Variants in WDR91 observed in about 807,000 individuals in gnomAD.
WDR91 encodes the protein WD repeat-containing protein 91.
Under a neutral mutation model 88.4 loss-of-function variants are expected in WDR91, and 52 were observed. The observed-to-expected ratio is 0.59, with a 90% confidence interval of 0.47 to 0.74. The LOEUF is 0.74. Ranked by LOEUF, WDR91 falls within the 30% of genes least tolerant of loss-of-function variation. The pLI, the probability that WDR91 is intolerant of heterozygous loss-of-function variation, is 0.00. For synonymous variants in WDR91, 362 were observed against 389.5 expected (o/e 0.93, Z 0.83); for missense variants, 824 against 954.5 (o/e 0.86, Z 1.80).
In WDR91 at chr7:135,198,029, C is replaced by G. The variant is rs1393715665; in HGVS notation, c.1014G>C (p.Lys338Asn). The change falls in exon 7 of 15, where the codon AAG becomes AAC. Residue 338 changes from lysine to asparagine, a missense_variant. Transcript: ENST00000354475. Reference sequence around the variant, plus strand: ...TTGTGGAGAAAAGCTCCTTCCTCTCCTTGCCATGGTCCTGCAGGCGCCGCT... The same window carrying G: ...TTGTGGAGAAAAGCTCCTTCCTCTCGTTGCCATGGTCCTGCAGGCGCCGCT... ...HRQRRLQDHG[K>N]ERKELFSTTT... The G allele has an allele frequency of 6.2e-7, 1 of 1,614,196 alleles. No individual in the cohort carries two copies.
At chr7:135,206,297 A>G (rs910443902) in intron 4 of WDR91, among the ~76,000 whole-genome samples, 1 of 152,126 alleles carries the variant, frequency 6.6e-6, no homozygotes, top group African/African-American at 2.4e-5. Context: ...CTTTTTAATC[A>G]TTTGACTTGC....
In WDR91 at chr7:135,211,024, C is replaced by T. The variant is rs1231696664; in HGVS notation, c.123+356G>A. ...TCTTTGCTTCCACTGCCACTGGAAG[C>T]CAACACGAATATCTGTTGCCAAAAC... On this transcript the variant is annotated intron_variant, in intron 1 of 14. Transcript: ENST00000354475. 11 of 662,752 alleles carry T rather than the reference C, an allele frequency of 1.7e-5. No individual in the cohort carries two copies. In the East Asian group the frequency reaches 2.7e-4, roughly 16 times the overall value. 41.1% of individuals were successfully genotyped at this position (662,752 alleles called of 1,614,324 possible).
Position 135,205,978 on chromosome 7 carries a change from G to T in WDR91, c.675C>A (p.His225Gln). 1 of 1,614,156 alleles carries T rather than the reference G, an allele frequency of 6.2e-7. No homozygotes were observed. The highest frequency in any genetic ancestry group is 8.5e-7 in the Non-Finnish European group (1 of 1,180,036). ...QPEEEEALVQ[H>Q]KLPPYVSNMD... ...TGTTGGAGACATAAGGAGGCAATTT[G>T]TGTTGGACCAAGGCCTCTTCCTCTT... Residue 225 changes from histidine to glutamine, a missense_variant, in exon 5 of 15, where the codon CAC (histidine) becomes CAA (glutamine). Coordinates refer to ENST00000354475, the MANE Select transcript of WDR91 (RefSeq NM_014149.4).
chr7:135,195,955 A>G (rs1454086412), intron 8 of WDR91, among the ~76,000 whole-genome samples, 189 bp downstream of exon 8: 1 of 149,314 alleles, frequency 6.7e-6, no homozygotes, highest in South Asian at 2.1e-4. Context: ...TCAATAAGGA[A>G]AAAAAAAAAA....
At chr7:135,202,352 A>C (rs1220210708) in intron 6 of WDR91, 5 of 152,252 alleles carry the variant, frequency 3.3e-5, no homozygotes, top group African/African-American at 1.2e-4. Flanking sequence ...TACCATTAAT[A>C]AAAAACAAGT....
At chr7:135,202,085 G>A (rs756647909) in intron 6 of WDR91, 1 of 152,172 alleles carries the variant, frequency 6.6e-6, no homozygotes, top group Non-Finnish European at 1.5e-5. Context: ...AGCTCCAGAG[G>A]GCTAAGCTAA....
At position 135,204,487 on chromosome 7, in the gene WDR91, C is replaced by A. The variant is rs994521407; in HGVS notation, c.726-54G>T. ...AGGGCTGAAACAGGATGTGGAAAAACCAAGAACATAGACCTCCCGGGCTAT... is the reference window on the plus strand; with the variant it reads ...AGGGCTGAAACAGGATGTGGAAAAAACAAGAACATAGACCTCCCGGGCTAT... On this transcript the variant is annotated intron_variant, in intron 5 of 14. Transcript: ENST00000354475. 19 of 1,594,308 alleles carry A rather than the reference C, an allele frequency of 1.2e-5. No individual in the cohort carries two copies. The Middle Eastern group carries it at 5.0e-4, about 42-fold the overall frequency.
At chr7:135,194,480 C>G (rs561725486) in intron 9 of WDR91, among the ~76,000 whole-genome samples, 1 of 152,356 alleles carries the variant, frequency 6.6e-6, no homozygotes, top group East Asian at 1.9e-4. Context: ...AGTCCTATCT[C>G]AAATATCAAA....
In WDR91 at chr7:135,196,388, C is replaced by G. The variant is rs957651786; in HGVS notation, c.1051-51G>C. On this transcript the variant is annotated intron_variant, in intron 7 of 14. Coordinates refer to ENST00000354475, the MANE Select transcript of WDR91 (RefSeq NM_014149.4). This position sits in a 1 kb window ranked among gnomAD's most constrained non-coding sequence, Gnocchi z 4.2. ...TCAGCCAGGAAAGGGTCCCCCACAC[C>G]AGGGTGTACACCGCAGGGGGTCTAG... 8.9e-6 allele frequency: 13 copies of G among 1,465,356 alleles called. No individual in the cohort carries two copies. Among genetic ancestry groups the G allele is most frequent in the African/African-American group, 8.6e-5 (6 of 69,378 alleles). The allele number at this position is 1,465,356 out of a possible 1,614,324, so 90.8% of individuals were successfully genotyped here. A position where few individuals can be genotyped will look rare whatever the true frequency, so the allele number is the denominator to read the frequency against.
Position 135,196,622 on chromosome 7 carries a change from A to G in WDR91, c.1051-285T>C, listed in dbSNP as rs1032008233. 2.6e-5 allele frequency among the ~76,000 whole-genome samples: 4 copies of G among 152,264 alleles called. No individual in the cohort carries two copies. In the South Asian group the frequency reaches 6.2e-4, roughly 24 times the overall value. On this transcript the variant is annotated intron_variant, in intron 7 of 14. Transcript: ENST00000354475. The surrounding 1 kb of genome is among the most constrained non-coding windows in gnomAD (Gnocchi z 4.2). The stretch of plus-strand genomic sequence containing the variant: ...TGACACAGCTGATGGGACCCAGGAC[A>G]CACATCTGCCTTGACAACAGGCCAG...
intron 5 of WDR91, 92 bp from the exon 6 acceptor site, chr7:135,204,525 G>C: frequency 1.4e-6 from 2 of 1,419,188 alleles, no homozygotes; most frequent in Non-Finnish European, 1.9e-6. Context: ...ATGACGTTAA[G>C]TGACCAGGCC....
rs292578 is a variant in WDR91 at position 135,196,132 on chromosome 7, G to T, written c.1244+12C>A. The T allele has an allele frequency of 2.8e-5, 42 of 1,484,038 alleles. No homozygotes were observed. The Middle Eastern group carries it at 5.4e-4, about 19-fold the overall frequency. 91.9% of individuals were successfully genotyped at this position (1,484,038 alleles called of 1,614,324 possible). A position where few individuals can be genotyped will look rare whatever the true frequency, so the allele number is the denominator to read the frequency against. ...GCTTCCCAGGGTTTCCTTGGCCCCAGGCCCAACCCACCTGCAGTGCATGAT... is the reference window on the plus strand; with the variant it reads ...GCTTCCCAGGGTTTCCTTGGCCCCATGCCCAACCCACCTGCAGTGCATGAT... On this transcript the variant is annotated intron_variant, in intron 8 of 14. Coordinates refer to ENST00000354475, the MANE Select transcript of WDR91 (RefSeq NM_014149.4). This position sits in a 1 kb window ranked among gnomAD's most constrained non-coding sequence, Gnocchi z 4.2.
chr7:135,206,175 G>A (rs1831772720), intron 4 of WDR91, 117 bp from the exon 5 acceptor site: 14 of 1,312,298 alleles, frequency 1.1e-5, no homozygotes, highest in South Asian at 8.9e-5. Flanking sequence ...TCGCCTCAGC[G>A]TCAAGGGGCC....
Position 135,194,973 on chromosome 7 carries a change from C to T in WDR91, c.1356G>A (p.Pro452=), listed in dbSNP as rs751898611. The change falls in exon 9 of 15, where the codon CCG becomes CCA. Residue 452 remains proline, a synonymous_variant. Coordinates refer to ENST00000354475, the MANE Select transcript of WDR91 (RefSeq NM_014149.4). ...QTKASSISKS[P]LLSLEWATKR... ...TGGTGGCCCATTCCAAAGACAGCAG[C>T]GGTGATTTGGAAATGGAGGATGCTT... The T allele has an allele frequency of 2.2e-5, 35 of 1,613,938 alleles. No individual in the cohort carries two copies. The highest frequency in any genetic ancestry group is 8.8e-5 in the South Asian group (8 of 91,086).
intron 11 of WDR91, among the ~76,000 whole-genome samples, chr7:135,192,124 T>G (rs1410990904): frequency 4.6e-4 from 69 of 149,336 alleles, no homozygotes; most frequent in Admixed American, 1.3e-3. Flanking sequence ...TTTTTTTTTT[T>G]TTTTTTTTTT....
chr7:135,195,686 C>T (rs1831337374), intron 8 of WDR91, among the ~76,000 whole-genome samples: 2 of 152,204 alleles, frequency 1.3e-5, no homozygotes. Flanking sequence ...GTGGCTTACG[C>T]CTGTAATCCC....
chr7:135,188,315 T>C (rs1831029107), intron 13 of WDR91, 118 bp downstream of exon 13: 1 of 766,774 alleles, frequency 1.3e-6, no homozygotes, highest in East Asian at 2.5e-5. Context: ...ATTCTACAGA[T>C]AACAAAGCTG....
intron 1 of WDR91, 38 bp from the exon 2 acceptor site, chr7:135,209,793 A>T: frequency 2.0e-6 from 3 of 1,476,274 alleles, no homozygotes; most frequent in Non-Finnish European, 2.7e-6. Context: ...GGTAAGGGAC[A>T]GAAGGGAATT....
At chr7:135,207,927 G>A (rs1273184040) in intron 3 of WDR91, among the ~76,000 whole-genome samples, 1 of 152,210 alleles carries the variant, frequency 6.6e-6, no homozygotes, top group Non-Finnish European at 1.5e-5. Context: ...TAACTGGAGA[G>A]CCCTCAGGAT....
Sources: allele counts gnomAD v4.1 joint callset (sites outside exome capture counted in the v4.1 genomes callset), GRCh38; gene constraint gnomAD v4.1.1; non-coding constraint Gnocchi (gnomAD v3.1); transcripts MANE v1.5; gene names NCBI Gene and HGNC (gene_info 2026-07-23, HGNC 2026-07-21).